The following VTI1A variants were observed in gnomAD, a reference collection of about 807,000 sequenced individuals.
VTI1A encodes the protein vesicle transport through interaction with t-SNAREs 1A.
Under a neutral mutation model 34.9 loss-of-function variants are expected in VTI1A, and 22 were observed. The ratio of observed to expected loss-of-function variants is 0.63; its 90% CI spans 0.45 to 0.90. The LOEUF (loss-of-function observed/expected upper bound fraction) is 0.90. Among genes scored for constraint, VTI1A ranks in the 40% least tolerant of loss-of-function variants. The probability of loss-of-function intolerance (pLI) is 0.00; values close to 1 mark genes in which losing one functional copy is unlikely to be tolerated. For synonymous variants in VTI1A, 87 were observed against 97.3 expected, an observed-to-expected ratio of 0.89 and a Z score of 0.62; for missense variants, 268 against 275.6, an observed-to-expected ratio of 0.97 and a Z score of 0.20.
intron 5 of VTI1A, among the ~76,000 whole-genome samples, chr10:112,607,847 T>C (rs894131774): frequency 6.6e-6 from 1 of 152,228 alleles, no homozygotes; most frequent in African/African-American, 2.4e-5. Flanking sequence ...CTTGGGCTTC[T>C]TCATAGGCAA....
At chr10:112,783,401 GCACACACACA>G (rs58560251) in intron 7 of VTI1A, among the ~76,000 whole-genome samples, 1 of 150,310 alleles carries the variant, frequency 6.7e-6, no homozygotes, top group Non-Finnish European at 1.5e-5. Flanking sequence ...GCGTGCACGT[GCACACACACA>G]CACACACACA....
At chr10:112,756,900 TAGTC>T (rs1227218013) in intron 7 of VTI1A, among the ~76,000 whole-genome samples, 1 of 151,768 alleles carries the variant, frequency 6.6e-6, no homozygotes. Context: ...TACAAAAAAT[TAGTC>T]AGGCATGGTG....
At chr10:112,728,171 CTTCT>C (rs1243672708) in intron 7 of VTI1A, among the ~76,000 whole-genome samples, 1 of 148,738 alleles carries the variant, frequency 6.7e-6, no homozygotes, top group Non-Finnish European at 1.5e-5. Flanking sequence ...GACAGGTTTC[CTTCT>C]TTCTTTTCTT....
chr10:112,531,398 T>C (rs1287810272), intron 4 of VTI1A, among the ~76,000 whole-genome samples: 2 of 151,904 alleles, frequency 1.3e-5, no homozygotes, highest in African/African-American at 2.4e-5. Flanking sequence ...AAATCACGAC[T>C]TACAGTCCAG....
chr10:112,736,018 ATATTT>A (rs538989388), intron 7 of VTI1A, among the ~76,000 whole-genome samples: 14 of 147,818 alleles, frequency 9.5e-5, no homozygotes, highest in African/African-American at 3.2e-4. Flanking sequence ...ATTTTAAAAC[ATATTT>A]TATATTTATA....
chr10:112,576,043 G>C (rs1474866444), intron 5 of VTI1A, among the ~76,000 whole-genome samples: 1 of 124,708 alleles, frequency 8.0e-6, no homozygotes, highest in Admixed American at 8.7e-5. Context: ...TTTTTTGAGA[G>C]GGAGTCTCGC....
intron 7 of VTI1A, among the ~76,000 whole-genome samples, chr10:112,813,282 A>T (rs7078407): frequency 7.2e-5 from 11 of 152,122 alleles, no homozygotes; most frequent in African/African-American, 2.7e-4. Flanking sequence ...AGTAACACCC[A>T]CAGTTAATCC....
At chr10:112,762,378 G>A (rs12098702) in intron 7 of VTI1A, among the ~76,000 whole-genome samples, 2,669 of 152,270 alleles carry the variant, frequency 0.018, 71 homozygotes, top group African/African-American at 0.059. Flanking sequence ...TGGAAAGCAG[G>A]TAGTAATCCA....
chr10:112,726,565 G>A (rs1373061620), intron 7 of VTI1A, among the ~76,000 whole-genome samples: 5 of 152,274 alleles, frequency 3.3e-5, no homozygotes, highest in Middle Eastern at 3.4e-3. Flanking sequence ...GCAGTTGCAA[G>A]TTGAAATTCT....
intron 7 of VTI1A, among the ~76,000 whole-genome samples, chr10:112,744,846 G>A (rs1474453926): frequency 2.6e-5 from 4 of 152,158 alleles, no homozygotes; most frequent in African/African-American, 9.7e-5. Flanking sequence ...AGCACGTTCA[G>A]CATCTTGTCT....
intron 7 of VTI1A, among the ~76,000 whole-genome samples, chr10:112,789,040 G>A (rs1438328895): frequency 6.6e-6 from 1 of 152,008 alleles, no homozygotes; most frequent in Non-Finnish European, 1.5e-5. Flanking sequence ...AGTGAGTGCT[G>A]TGCAATCTAA....
rs186876514 is a variant in VTI1A, at chr10:112,782,972, C to T, written c.561-32318C>T. On this transcript the variant is annotated intron_variant, in intron 7 of 7. Coordinates refer to ENST00000393077, the MANE Select transcript of VTI1A (RefSeq NM_145206.4). ...TGAAAATACCATCAGATCGAAAGTGCAGAACTTGGTAGGAAAGATGTTCAA... is the reference window on the plus strand; with the variant it reads ...TGAAAATACCATCAGATCGAAAGTGTAGAACTTGGTAGGAAAGATGTTCAA... Among the ~76,000 whole-genome samples, 106 of 152,256 alleles carry T rather than the reference C, an allele frequency of 7.0e-4. 1 individual carries two copies. In the East Asian group the frequency reaches 7.3e-3, roughly 11 times the overall value.
At chr10:112,727,654 A>G (rs2133951449) in intron 7 of VTI1A, among the ~76,000 whole-genome samples, 1 of 152,302 alleles carries the variant, frequency 6.6e-6, no homozygotes, top group East Asian at 1.9e-4. Context: ...GTCAGTAACA[A>G]ATGTGATCCA....
chr10:112,537,536 A>G (rs1260019411), intron 4 of VTI1A, among the ~76,000 whole-genome samples: 2 of 151,926 alleles, frequency 1.3e-5, no homozygotes, highest in African/African-American at 2.4e-5. Flanking sequence ...AAAGAGGTAT[A>G]TATAATTACT....
intron 5 of VTI1A, among the ~76,000 whole-genome samples, chr10:112,652,885 G>A (rs1238196589): frequency 6.6e-6 from 1 of 152,176 alleles, no homozygotes; most frequent in Non-Finnish European, 1.5e-5. Context: ...AGTGTTACTG[G>A]TGGAGGGTGT....
At position 112,816,841 on chromosome 10, in the gene VTI1A, T is replaced by G; in HGVS notation, c.*1458T>G. 4.3e-6 allele frequency: 1 copy of G among 229,902 alleles called. No individual in the cohort carries two copies. Among genetic ancestry groups the G allele is most frequent in the Middle Eastern group, 1.3e-3 (1 of 772 alleles). The allele number at this position is 229,902 out of a possible 1,614,324, so 14.2% of individuals were successfully genotyped here. A position where few individuals can be genotyped will look rare whatever the true frequency, so the allele number is the denominator to read the frequency against. On this transcript the variant is annotated 3_prime_UTR_variant, in exon 8 of 8. Transcript: ENST00000393077. ...TTCCCAACTCAGAAGAAAACCATTA[T>G]GGTTTAGAGAGGAAATGCAGAATGG...
At chr10:112,624,800 A>G (rs1046611386) in intron 5 of VTI1A, among the ~76,000 whole-genome samples, 1 of 152,180 alleles carries the variant, frequency 6.6e-6, no homozygotes, top group African/African-American at 2.4e-5. Flanking sequence ...TGTTTATTGT[A>G]ATGGGTAGAT....
At chr10:112,754,514 A>G (rs1454665057) in intron 7 of VTI1A, among the ~76,000 whole-genome samples, 1 of 152,262 alleles carries the variant, frequency 6.6e-6, no homozygotes, top group African/African-American at 2.4e-5. Flanking sequence ...GAAAAAGTTC[A>G]CGACACAGTA....
At chr10:112,460,475 A>G (rs1460377978) in intron 1 of VTI1A, 49 bp from the exon 2 acceptor site, 2 of 1,524,606 alleles carry the variant, frequency 1.3e-6, no homozygotes, top group Non-Finnish European at 1.8e-6. Context: ...TTAAAATATT[A>G]AATTTATTTG....
Sources: allele counts gnomAD v4.1 joint callset (sites outside exome capture counted in the v4.1 genomes callset), GRCh38; gene constraint gnomAD v4.1.1; transcripts MANE v1.5; gene names NCBI Gene and HGNC (gene_info 2026-07-23, HGNC 2026-07-21).